Variants in TESK2 observed in about 807,000 individuals in gnomAD.
TESK2 encodes dual specificity testis-specific protein kinase 2.
In TESK2, 39 loss-of-function variants were observed where a neutral mutation model predicts 57.1. That is an observed-to-expected ratio of 0.68 (90% CI 0.53 to 0.89). The LOEUF (loss-of-function observed/expected upper bound fraction) is 0.89, where lower values mean the gene tolerates loss of function less well. Among genes scored for constraint, TESK2 ranks in the 40% least tolerant of loss-of-function variants. TESK2 has a pLI of 0.00. For missense variants in TESK2, 646 were observed against 732.1 expected (o/e 0.88, Z 1.36); for synonymous variants, 249 against 267.9 (o/e 0.93, Z 0.69).
intron 2 of TESK2, among the ~76,000 whole-genome samples, chr1:45,451,383 C>T (rs1651862501): frequency 6.6e-6 from 1 of 152,172 alleles, no homozygotes; most frequent in East Asian, 1.9e-4. Context: ...AACCATCTAA[C>T]ATTTTTCAGG....
chr1:45,468,986 T>C (rs1652660457), intron 1 of TESK2, among the ~76,000 whole-genome samples: 1 of 152,246 alleles, frequency 6.6e-6, no homozygotes. Flanking sequence ...CAAGTAATTT[T>C]TTAGTAACTA....
chr1:45,448,720 G>GC lies in TESK2; in HGVS notation c.222+8843dup, dbSNP rs553249487. ...CCATGATCCAATCACTTCCCACTAG[G>GC]CCCCACCTTCAACATTGGGAATCAC... On this transcript the variant is annotated intron_variant, in intron 2 of 10. Coordinates refer to ENST00000372086, the MANE Select transcript of TESK2 (RefSeq NM_007170.3). Among the ~76,000 whole-genome samples the GC allele has an allele frequency of 2.0e-4, 30 of 152,208 alleles. No individual in the cohort carries two copies. The South Asian group carries it at 4.8e-3, about 24-fold the overall frequency.
At position 45,372,436 on chromosome 1, in the gene TESK2, G is replaced by A. The variant is rs758541342; in HGVS notation, c.393+13476C>T. 1.4e-4 allele frequency among the ~76,000 whole-genome samples: 21 copies of A among 151,900 alleles called. 1 individual carries two copies. The Middle Eastern group carries it at 0.01, about 74-fold the overall frequency. ...CCACTAAAAATACAAAAAATTAGCCGGGTGTGGTGGTGCATGCCTGTAATC... is the reference window on the plus strand; with the variant it reads ...CCACTAAAAATACAAAAAATTAGCCAGGTGTGGTGGTGCATGCCTGTAATC... On this transcript the variant is annotated intron_variant, in intron 4 of 10. Coordinates refer to ENST00000372086, the MANE Select transcript of TESK2 (RefSeq NM_007170.3).
chr1:45,398,971 G>A (rs1344323447), intron 3 of TESK2: 12 of 386,822 alleles, frequency 3.1e-5, no homozygotes, highest in Non-Finnish European at 5.3e-5. Context: ...AACCTCCATT[G>A]GACTAGGACC....
At chr1:45,432,849 C>T (rs1316727863) in intron 2 of TESK2, among the ~76,000 whole-genome samples, 42 of 144,436 alleles carry the variant, frequency 2.9e-4, no homozygotes, top group Admixed American at 6.2e-4. Context: ...CTGCAATCTC[C>T]GCCTCCCAGG....
intron 3 of TESK2, chr1:45,414,973 G>T: frequency 1.6e-6 from 1 of 623,828 alleles, no homozygotes; most frequent in South Asian, 1.8e-5. Flanking sequence ...AAAAAGATAG[G>T]TGCTTTGTGG....
chr1:45,384,617 T>A (rs1030122982), intron 4 of TESK2, among the ~76,000 whole-genome samples: 2 of 137,432 alleles, frequency 1.5e-5, no homozygotes, highest in Admixed American at 1.4e-4. Context: ...TTTTTTTTTT[T>A]TTTTTTTTTG....
At chr1:45,443,921 G>A (rs1418644431) in intron 2 of TESK2, among the ~76,000 whole-genome samples, 1 of 152,214 alleles carries the variant, frequency 6.6e-6, no homozygotes, top group Non-Finnish European at 1.5e-5. Flanking sequence ...GCTCATGCCC[G>A]TAATCTCAAT....
chr1:45,401,334 T>C, intron 3 of TESK2, among the ~76,000 whole-genome samples: 1 of 150,404 alleles, frequency 6.6e-6, no homozygotes, highest in East Asian at 2.0e-4. Flanking sequence ...GAGGCGGAGA[T>C]TGCAGTGAGC....
chr1:45,477,143 G>A (rs1011665413), intron 1 of TESK2, among the ~76,000 whole-genome samples: 1 of 150,900 alleles, frequency 6.6e-6, no homozygotes, highest in Non-Finnish European at 1.5e-5. Flanking sequence ...TGAGGCAGGA[G>A]AATTGCTTGA....
At chr1:45,432,684 C>T (rs917666967) in intron 2 of TESK2, among the ~76,000 whole-genome samples, 1 of 149,426 alleles carries the variant, frequency 6.7e-6, no homozygotes, top group Admixed American at 6.7e-5. Context: ...GAGCCAGACT[C>T]CGTCTCAAAA....
chr1:45,425,560 T>A (rs971578403), intron 2 of TESK2, among the ~76,000 whole-genome samples: 1 of 151,448 alleles, frequency 6.6e-6, no homozygotes, highest in African/African-American at 2.4e-5. Context: ...GAAGCTGAGG[T>A]GGGAGGATTG....
chr1:45,365,721 C>G lies in TESK2; in HGVS notation c.394-10272G>C, dbSNP rs1452017497. Among the ~76,000 whole-genome samples, 18 of 145,266 alleles carry G rather than the reference C, an allele frequency of 1.2e-4. No individual in the cohort carries two copies. The East Asian group carries it at 2.8e-3, about 23-fold the overall frequency. On this transcript the variant is annotated intron_variant, in intron 4 of 10. Transcript: ENST00000372086. ...TGAGACAGAGTCTCACTCTGTTGCCCAGGCTGCAGTGCAGTGGCGTAATCT... is the reference window on the plus strand; with the variant it reads ...TGAGACAGAGTCTCACTCTGTTGCCGAGGCTGCAGTGCAGTGGCGTAATCT...
chr1:45,399,073 T>A (rs1463336761), intron 3 of TESK2: 1 of 383,800 alleles, frequency 2.6e-6, no homozygotes, highest in Non-Finnish European at 5.0e-6. Context: ...TGCCTCTCCA[T>A]ACACTTAAAA....
chr1:45,369,156 C>T (rs1432729852), intron 4 of TESK2, among the ~76,000 whole-genome samples: 1 of 152,128 alleles, frequency 6.6e-6, no homozygotes, highest in Non-Finnish European at 1.5e-5. Flanking sequence ...TTCTTCTACC[C>T]TAGGAGTGTA....
intron 1 of TESK2, among the ~76,000 whole-genome samples, chr1:45,477,559 T>G (rs1483503919): frequency 6.6e-6 from 1 of 151,872 alleles, no homozygotes; most frequent in Non-Finnish European, 1.5e-5. Flanking sequence ...GAGACGGTGG[T>G]TGCAGTGAGC....
intron 1 of TESK2, among the ~76,000 whole-genome samples, chr1:45,484,472 A>C (rs1459318447): frequency 6.6e-6 from 1 of 151,832 alleles, no homozygotes; most frequent in Non-Finnish European, 1.5e-5. Flanking sequence ...GCGGTGGCTC[A>C]TGCCTGTAAT....
intron 3 of TESK2, chr1:45,415,197 G>C: frequency 6.6e-7 from 1 of 1,514,280 alleles, no homozygotes; most frequent in Non-Finnish European, 9.1e-7. Flanking sequence ...AATTATTCCA[G>C]GGTTTATGTG....
At chr1:45,475,063 C>CAAAAAAAA (rs58542898) in intron 1 of TESK2, among the ~76,000 whole-genome samples, 2 of 87,432 alleles carry the variant, frequency 2.3e-5, no homozygotes, top group African/African-American at 3.8e-5. Flanking sequence ...GACTCTATCT[C>CAAAAAAAA]AAAAAAAAAA....
Sources: gnomAD v4.1 joint callset for allele counts (sites outside exome capture counted in the v4.1 genomes callset) on GRCh38, gnomAD v4.1.1 for gene constraint, MANE v1.5 for transcripts, NCBI Gene and HGNC (gene_info 2026-07-23, HGNC 2026-07-21) for gene names.